Variants in TTC39B observed in about 807,000 individuals in gnomAD.
TTC39B encodes the protein tetratricopeptide repeat protein 39B.
Under a neutral mutation model 96.6 loss-of-function variants are expected in TTC39B, and 92 were observed. That is an observed-to-expected ratio of 0.95 (90% CI 0.80 to 1.13). The LOEUF is 1.13. Among genes scored for constraint, TTC39B ranks in the 50% most tolerant of loss-of-function variants. The pLI is 0.00. For missense variants in TTC39B, 955 were observed against 809.3 expected, an observed-to-expected ratio of 1.18 and a Z score of -2.18; for synonymous variants, 367 against 299.4, an observed-to-expected ratio of 1.23 and a Z score of -2.33.
intron 1 of TTC39B, among the ~76,000 whole-genome samples, chr9:15,280,628 G>T (rs1563785261): frequency 6.6e-6 from 1 of 152,186 alleles, no homozygotes; most frequent in Non-Finnish European, 1.5e-5. Context: ...CCCCGCTTTT[G>T]CTTAGCTGAG....
intron 1 of TTC39B, among the ~76,000 whole-genome samples, 191 bp from the exon 2 acceptor site, chr9:15,268,139 A>G (rs535882792): frequency 9.9e-5 from 15 of 152,192 alleles, no homozygotes; most frequent in Admixed American, 9.8e-4. Flanking sequence ...CATTTCAGTG[A>G]CGTTTAATTT....
At chr9:15,282,976 T>A (rs545434658) in intron 1 of TTC39B, among the ~76,000 whole-genome samples, 2 of 152,348 alleles carry the variant, frequency 1.3e-5, no homozygotes, top group Admixed American at 1.3e-4. Flanking sequence ...ACACTGTAAC[T>A]TTTCTTCACA....
chr9:15,296,512 G>A (rs964823493), intron 1 of TTC39B, among the ~76,000 whole-genome samples: 1 of 151,712 alleles, frequency 6.6e-6, no homozygotes, highest in Admixed American at 6.6e-5. Flanking sequence ...TTTTTTTTTT[G>A]AGAAGGAATT....
chr9:15,285,477 T>C (rs1823934119), intron 1 of TTC39B, among the ~76,000 whole-genome samples: 1 of 152,222 alleles, frequency 6.6e-6, no homozygotes, highest in Non-Finnish European at 1.5e-5. Context: ...CTACACATTG[T>C]ATGCCTGTAG....
intron 1 of TTC39B, among the ~76,000 whole-genome samples, chr9:15,273,058 C>G (rs1823413552): frequency 6.6e-6 from 1 of 152,218 alleles, no homozygotes; most frequent in Non-Finnish European, 1.5e-5. Flanking sequence ...TCCATCTTAA[C>G]TCGCTAGCTT....
At chr9:15,238,421 A>G (rs914200977) in intron 2 of TTC39B, among the ~76,000 whole-genome samples, 2 of 152,228 alleles carry the variant, frequency 1.3e-5, no homozygotes, top group Non-Finnish European at 2.9e-5. Context: ...AGACTCCTAG[A>G]TTTGATAAAC....
intron 2 of TTC39B, among the ~76,000 whole-genome samples, chr9:15,242,521 T>G (rs1822091438): frequency 6.6e-6 from 1 of 152,070 alleles, no homozygotes; most frequent in African/African-American, 2.4e-5. Context: ...CGGTTGAGGC[T>G]GCAGTGAGCT....
At chr9:15,194,313 T>A (rs1187039837) in intron 8 of TTC39B, among the ~76,000 whole-genome samples, 1 of 152,248 alleles carries the variant, frequency 6.6e-6, no homozygotes, top group Admixed American at 6.5e-5. Context: ...ATGGACTTTT[T>A]TCGTCTTAAT....
At chr9:15,172,312 G>A (rs1206918141) in intron 19 of TTC39B, among the ~76,000 whole-genome samples, 1 of 152,068 alleles carries the variant, frequency 6.6e-6, no homozygotes, top group Non-Finnish European at 1.5e-5. Flanking sequence ...GAAGCTTCCT[G>A]GTGGTCATCT....
At chr9:15,189,675 C>A (rs1445675302) in intron 12 of TTC39B, 42 bp from the exon 13 acceptor site, 1 of 1,613,886 alleles carries the variant, frequency 6.2e-7, no homozygotes, top group East Asian at 2.2e-5. Context: ...ACAGTCAACA[C>A]TGGCTGATTA....
intron 1 of TTC39B, among the ~76,000 whole-genome samples, chr9:15,273,489 C>T (rs373843561): frequency 2.6e-5 from 4 of 152,150 alleles, no homozygotes; most frequent in South Asian, 2.1e-4. Flanking sequence ...TCCTCCTCCG[C>T]GTTCCTCCTC....
At chr9:15,303,821 G>C (rs1353447112) in intron 1 of TTC39B, among the ~76,000 whole-genome samples, 2 of 151,842 alleles carry the variant, frequency 1.3e-5, no homozygotes, top group Non-Finnish European at 2.9e-5. Flanking sequence ...TTTTAGTAGA[G>C]ACTGGGTGTC....
intron 2 of TTC39B, among the ~76,000 whole-genome samples, chr9:15,228,088 A>G (rs1821224519): frequency 6.6e-6 from 1 of 152,070 alleles, no homozygotes; most frequent in Non-Finnish European, 1.5e-5. Context: ...TTTTCCCCCA[A>G]TGATTTGACA....
chr9:15,305,635 A>G (rs1346788349), intron 1 of TTC39B, among the ~76,000 whole-genome samples: 1 of 150,268 alleles, frequency 6.7e-6, no homozygotes, highest in Non-Finnish European at 1.5e-5. Context: ...CTGAAACCTA[A>G]CTTCCACCCA....
At chr9:15,182,558 C>A (rs988679856) in intron 16 of TTC39B, 143 bp from the exon 17 acceptor site, 3 of 508,334 alleles carry the variant, frequency 5.9e-6, no homozygotes, top group Non-Finnish European at 1.0e-5. Context: ...TTTGCTTTTG[C>A]CTTTTATACT....
At chr9:15,204,020 T>G in intron 6 of TTC39B, 130 bp from the exon 7 acceptor site, 1 of 702,920 alleles carries the variant, frequency 1.4e-6, no homozygotes, top group South Asian at 2.4e-5. Flanking sequence ...CCCTTGTGCT[T>G]CCACAAAAGT....
At chr9:15,229,802 G>C (rs1188812848) in intron 2 of TTC39B, among the ~76,000 whole-genome samples, 1 of 152,126 alleles carries the variant, frequency 6.6e-6, no homozygotes, top group Non-Finnish European at 1.5e-5. Context: ...AGACCTGTAA[G>C]CCAACTGGGG....
At chr9:15,242,455 T>C (rs950971580) in intron 2 of TTC39B, among the ~76,000 whole-genome samples, 3 of 152,072 alleles carry the variant, frequency 2.0e-5, no homozygotes, top group Non-Finnish European at 4.4e-5. Flanking sequence ...TGGTGGTGCA[T>C]ACCTGTAGTC....
At chr9:15,233,251 G>A (rs914430739) in intron 2 of TTC39B, among the ~76,000 whole-genome samples, 4 of 152,126 alleles carry the variant, frequency 2.6e-5, no homozygotes, top group Non-Finnish European at 5.9e-5. Context: ...CCAATGATCC[G>A]CAGATGTGGT....
Sources: allele counts gnomAD v4.1 joint callset (sites outside exome capture counted in the v4.1 genomes callset), GRCh38; gene constraint gnomAD v4.1.1; transcripts MANE v1.5; gene names NCBI Gene and HGNC (gene_info 2026-07-23, HGNC 2026-07-21).